Variants in NOL4 observed in about 807,000 individuals in gnomAD.
NOL4 encodes cancer/testis antigen 125.
A neutral mutation model predicts 75.9 loss-of-function variants in NOL4; 17 were observed. That is an observed-to-expected ratio of 0.22 (90% CI 0.15 to 0.34). NOL4 has a LOEUF of 0.34. Ranked by LOEUF, NOL4 falls within the 10% of genes least tolerant of loss-of-function variation. The pLI, the probability that NOL4 is intolerant of heterozygous loss-of-function variation, is 1.00. For synonymous variants in NOL4, 292 were observed against 289.9 expected (o/e 1.01, Z -0.07); for missense variants, 614 against 793.5 (o/e 0.77, Z 2.72).
At chr18:34,181,370 G>A (rs373037405) in intron 1 of NOL4, among the ~76,000 whole-genome samples, 3 of 151,312 alleles carry the variant, frequency 2.0e-5, no homozygotes, top group African/African-American at 4.8e-5. Context: ...ATATGCACAC[G>A]TTAAAAATGA....
chr18:34,081,529 A>G (rs764749377), intron 5 of NOL4, among the ~76,000 whole-genome samples: 6 of 152,174 alleles, frequency 3.9e-5, no homozygotes, highest in Non-Finnish European at 8.8e-5. Context: ...CTCTTCATCA[A>G]TAACATATAT....
chr18:33,983,533 T>C (rs1481907538), intron 6 of NOL4, among the ~76,000 whole-genome samples: 3 of 151,926 alleles, frequency 2.0e-5, no homozygotes, highest in African/African-American at 7.3e-5. Flanking sequence ...CACATATTTA[T>C]GAAACCAAAT....
chr18:34,126,193 A>G (rs2080380672), intron 2 of NOL4, among the ~76,000 whole-genome samples: 2 of 152,210 alleles, frequency 1.3e-5, no homozygotes, highest in South Asian at 4.1e-4. Flanking sequence ...AGCACTTTGC[A>G]CATAGTAACT....
At chr18:34,115,692 T>C (rs140476331) in intron 2 of NOL4, among the ~76,000 whole-genome samples, 47 of 152,196 alleles carry the variant, frequency 3.1e-4, no homozygotes, top group African/African-American at 1.1e-3. Context: ...ATAAAAACCC[T>C]TGCATTTCCC....
At chr18:33,945,084 C>T (rs2068746124) in intron 8 of NOL4, among the ~76,000 whole-genome samples, 3 of 151,776 alleles carry the variant, frequency 2.0e-5, no homozygotes, top group African/African-American at 7.3e-5. Flanking sequence ...TAGCATTATT[C>T]AAATAGGAGT....
chr18:34,133,056 T>C (rs558195980), intron 1 of NOL4, among the ~76,000 whole-genome samples: 2 of 152,166 alleles, frequency 1.3e-5, no homozygotes, highest in South Asian at 4.1e-4. Context: ...GTGGATCACC[T>C]GAGGTCAGGA....
intron 9 of NOL4, among the ~76,000 whole-genome samples, chr18:33,888,910 CA>C (rs1285145059): frequency 6.6e-6 from 1 of 150,964 alleles, no homozygotes; most frequent in East Asian, 2.0e-4. Context: ...GCCCACAAGA[CA>C]AAGTAGGAAA....
At chr18:33,917,282 A>T (rs1053195388) in intron 9 of NOL4, among the ~76,000 whole-genome samples, 1 of 151,966 alleles carries the variant, frequency 6.6e-6, no homozygotes, top group African/African-American at 2.4e-5. Flanking sequence ...CCAGAGTTTC[A>T]GTAAAATTTT....
rs370230785 is a variant in NOL4, at chr18:34,219,745, A to C, written c.264+3245T>G. 1.9e-3 allele frequency among the ~76,000 whole-genome samples: 288 copies of C among 152,390 alleles called. 1 individual carries two copies. The highest frequency in any genetic ancestry group is 6.7e-3 in the African/African-American group (280 of 41,594). On this transcript the variant is annotated intron_variant, in intron 1 of 10. Transcript: ENST00000261592. ...TAATGAAAGAATGTATAAAAATAAC[A>C]GTGGTACTATCTAAAAAGCAGATGG...
chr18:34,124,032 G>A (rs1287479176), intron 2 of NOL4, among the ~76,000 whole-genome samples: 1 of 151,972 alleles, frequency 6.6e-6, no homozygotes, highest in African/African-American at 2.4e-5. Context: ...TTCTATCTCT[G>A]TTAGACATCC....
chr18:34,054,344 C>T (rs964267264), intron 5 of NOL4, among the ~76,000 whole-genome samples: 1 of 151,820 alleles, frequency 6.6e-6, no homozygotes, highest in African/African-American at 2.4e-5. Flanking sequence ...TTCCTTCCTT[C>T]AATTCTGCCA....
intron 2 of NOL4, among the ~76,000 whole-genome samples, chr18:34,112,369 C>A (rs1261482121): frequency 8.7e-5 from 13 of 149,304 alleles, no homozygotes; most frequent in Admixed American, 6.7e-4. Flanking sequence ...ACTGTCCCCC[C>A]CCAAAAAAAA....
chr18:34,162,382 G>A (rs936239166), intron 1 of NOL4, among the ~76,000 whole-genome samples: 5 of 151,986 alleles, frequency 3.3e-5, no homozygotes, highest in African/African-American at 4.8e-5. Context: ...TCAAATAGAC[G>A]CAATAAAAAA....
At chr18:34,159,011 G>A (rs1036965712) in intron 1 of NOL4, among the ~76,000 whole-genome samples, 1 of 152,208 alleles carries the variant, frequency 6.6e-6, no homozygotes, top group Non-Finnish European at 1.5e-5. Context: ...ACAAGCGGTG[G>A]CAGCTGCTGG....
intron 10 of NOL4, among the ~76,000 whole-genome samples, chr18:33,879,652 G>A (rs982806277): frequency 2.0e-5 from 3 of 152,052 alleles, no homozygotes; most frequent in Admixed American, 2.0e-4. Flanking sequence ...CTACACTCCA[G>A]CCTGGGCAAC....
chr18:33,971,703 C>T (rs948503511), intron 6 of NOL4, among the ~76,000 whole-genome samples: 8 of 152,180 alleles, frequency 5.3e-5, no homozygotes, highest in African/African-American at 1.9e-4. Context: ...TAAACCGGGG[C>T]ACTGTTCCTG....
chr18:34,071,345 A>G (rs541471962), intron 5 of NOL4, among the ~76,000 whole-genome samples: 2 of 152,264 alleles, frequency 1.3e-5, no homozygotes, highest in South Asian at 4.1e-4. Context: ...AAATTCCCAG[A>G]CAACCACTAA....
At chr18:33,943,530 A>G (rs781396348) in intron 8 of NOL4, among the ~76,000 whole-genome samples, 1 of 151,836 alleles carries the variant, frequency 6.6e-6, no homozygotes, top group East Asian at 1.9e-4. Context: ...AACATATGAC[A>G]TGCACAAAAA....
intron 6 of NOL4, among the ~76,000 whole-genome samples, chr18:33,972,163 C>CA (rs34438324): frequency 0.023 from 2,366 of 100,952 alleles, 51 homozygotes; most frequent in African/African-American, 0.074. Context: ...GACTCTGTCT[C>CA]AAAAAAAAAA....
Sources: allele counts gnomAD v4.1 joint callset (sites outside exome capture counted in the v4.1 genomes callset), GRCh38; gene constraint gnomAD v4.1.1; transcripts MANE v1.5; gene names NCBI Gene and HGNC (gene_info 2026-07-23, HGNC 2026-07-21).